Variants in DMD observed in about 807,000 individuals in gnomAD.
DMD encodes dystrophin.
Under a neutral mutation model 330.1 loss-of-function variants are expected in DMD, and 63 were observed. The ratio of observed to expected loss-of-function variants is 0.19; its 90% CI spans 0.16 to 0.24. DMD has a LOEUF of 0.24. DMD is among the 10% of genes least tolerant of loss of function. The pLI is 1.00. For synonymous variants in DMD, 1,223 were observed against 959.8 expected, an observed-to-expected ratio of 1.27 and a Z score of -5.07; for missense variants, 3,344 against 2,684.1, an observed-to-expected ratio of 1.25 and a Z score of -5.43.
intron 5 of DMD, among the ~76,000 whole-genome samples, chrX:32,818,873 ATT>A (rs2077977965): frequency 9.0e-6 from 1 of 110,575 alleles, no homozygotes; most frequent in South Asian, 3.8e-4. Flanking sequence ...TTTTAACCCC[ATT>A]TGAGACAACT....
At chrX:32,529,107 CAT>C (rs2047212234) in intron 17 of DMD, among the ~76,000 whole-genome samples, 1 of 105,347 alleles carries the variant, frequency 9.5e-6, no homozygotes, top group Admixed American at 1.0e-4. Flanking sequence ...CCCTATTTTT[CAT>C]AGAGACGGGG....
chrX:32,935,589 C>T (rs1010425488), intron 2 of DMD, among the ~76,000 whole-genome samples: 28 of 112,068 alleles, frequency 2.5e-4, no homozygotes, highest in African/African-American at 8.8e-4. Context: ...GTCCTTCCCT[C>T]CCTCTCTGGC....
intron 29 of DMD, 85 bp downstream of exon 29, chrX:32,438,156 C>G: frequency 9.9e-7 from 1 of 1,012,606 alleles, no homozygotes; most frequent in East Asian, 3.1e-5. Context: ...AATATTTAAA[C>G]TATTGCTCAT....
intron 55 of DMD, among the ~76,000 whole-genome samples, chrX:31,624,455 A>C (rs1003304373): frequency 2.7e-5 from 3 of 112,317 alleles, no homozygotes; most frequent in Non-Finnish European, 5.6e-5. Flanking sequence ...ATTATTGCTG[A>C]GAGAATAAAT....
chrX:31,489,748 A>C (rs1430340635), intron 57 of DMD, among the ~76,000 whole-genome samples: 1 of 111,931 alleles, frequency 8.9e-6, no homozygotes, highest in East Asian at 2.8e-4. Flanking sequence ...TGGGGGACAA[A>C]AGGAAGAGCA....
rs190148309 is a variant in DMD, at chrX:32,224,428, C to A, written c.6291-7365G>T. 3.9e-3 allele frequency among the ~76,000 whole-genome samples: 433 copies of A among 111,046 alleles called. 1 individual carries two copies. The highest frequency in any genetic ancestry group is 6.9e-3 in the Non-Finnish European group (363 of 52,918). On this transcript the variant is annotated intron_variant, in intron 43 of 78. Transcript: ENST00000357033. ...ATATACTTTTTTCCTAAGCAGGAGA[C>A]TCCATTTTAATTTTTTAGGTAAAAC...
intron 1 of DMD, among the ~76,000 whole-genome samples, chrX:33,220,186 T>C: frequency 9.0e-6 from 1 of 111,283 alleles, no homozygotes; most frequent in Non-Finnish European, 1.9e-5. Context: ...CAAGAGGCGT[T>C]GGTGATACAA....
intron 2 of DMD, among the ~76,000 whole-genome samples, chrX:33,015,435 T>C (rs1289842187): frequency 1.8e-5 from 2 of 111,120 alleles, no homozygotes; most frequent in Admixed American, 9.7e-5. Context: ...TACTGCATGT[T>C]CTCACTTATA....
At chrX:32,708,720 A>G (rs1024923190) in intron 7 of DMD, among the ~76,000 whole-genome samples, 1 of 111,370 alleles carries the variant, frequency 9.0e-6, no homozygotes, top group African/African-American at 3.3e-5. Flanking sequence ...TAAGGAAGAA[A>G]CGAGTGGACC....
At chrX:31,738,207 A>C (rs1175088457) in intron 51 of DMD, among the ~76,000 whole-genome samples, 1 of 111,901 alleles carries the variant, frequency 8.9e-6, no homozygotes, top group Non-Finnish European at 1.9e-5. Context: ...GTGTTGATTG[A>C]CCAAATCACT....
At chrX:31,238,519 C>T (rs1004350447) in intron 63 of DMD, among the ~76,000 whole-genome samples, 1 of 112,001 alleles carries the variant, frequency 8.9e-6, no homozygotes, top group African/African-American at 3.2e-5. Flanking sequence ...TCGCTGAGCA[C>T]TCAAGGGCAA....
At chrX:32,306,003 C>T (rs759926371) in intron 42 of DMD, among the ~76,000 whole-genome samples, 10 of 109,987 alleles carry the variant, frequency 9.1e-5, no homozygotes, top group Middle Eastern at 4.7e-3. Context: ...ATTATACCTA[C>T]GTCTACCCCT....
intron 18 of DMD, among the ~76,000 whole-genome samples, chrX:32,514,563 A>T (rs1296011618): frequency 9.0e-6 from 1 of 111,562 alleles, no homozygotes; most frequent in Non-Finnish European, 1.9e-5. Flanking sequence ...AACACGGTGA[A>T]ACCCCGTCTC....
intron 3 of DMD, among the ~76,000 whole-genome samples, chrX:32,845,891 A>G (rs977828699): frequency 1.8e-5 from 2 of 112,058 alleles, no homozygotes; most frequent in South Asian, 3.7e-4. Flanking sequence ...CTCAATAACA[A>G]CTGCTCTGAT....
chrX:32,717,137 C>T (rs2065815890), intron 7 of DMD, among the ~76,000 whole-genome samples: 1 of 111,068 alleles, frequency 9.0e-6, no homozygotes, highest in South Asian at 3.8e-4. Flanking sequence ...CGGAAATTTG[C>T]ATAAGTAAAA....
chrX:31,279,637 C>T (rs1272521327), intron 62 of DMD, among the ~76,000 whole-genome samples: 3 of 112,369 alleles, frequency 2.7e-5, no homozygotes, highest in Non-Finnish European at 3.8e-5. Context: ...AGATGACAGC[C>T]TGTCAACCAT....
At chrX:33,260,392 T>G (rs2052935295) in intron 1 of DMD, among the ~76,000 whole-genome samples, 1 of 111,637 alleles carries the variant, frequency 9.0e-6, no homozygotes, top group Admixed American at 9.6e-5. Flanking sequence ...GTTCACATTC[T>G]CCAGTCCAGT....
At chrX:31,573,160 T>A (rs2075913577) in intron 55 of DMD, among the ~76,000 whole-genome samples, 1 of 111,754 alleles carries the variant, frequency 8.9e-6, no homozygotes, top group Non-Finnish European at 1.9e-5. Context: ...AAGACTCCTC[T>A]CTCTGTAAGC....
rs2093496683 is a variant in DMD, at chrX:33,009,125, TATATATGTATATATATGTGTATATATAC to T, written c.93+10986_93+11013del. Among the ~76,000 whole-genome samples the T allele has an allele frequency of 3.0e-4, 7 of 23,000 alleles. 1 individual carries two copies. The highest frequency in any genetic ancestry group is 5.5e-4 in the Non-Finnish European group (7 of 12,615). 20.0% of individuals were successfully genotyped at this position (23,000 alleles called of 115,157 possible). A position where few individuals can be genotyped will look rare whatever the true frequency, so the allele number is the denominator to read the frequency against. ...ATGTATATATATGTGTATATATACG[TATATATGTATATATATGTGTATATATAC>T]GTATATATGTATATATATGTGTATA... On this transcript the variant is annotated intron_variant, in intron 2 of 78. Transcript: ENST00000357033.
Sources: allele counts gnomAD v4.1 joint callset (sites outside exome capture counted in the v4.1 genomes callset), GRCh38; gene constraint gnomAD v4.1.1; transcripts MANE v1.5; gene names NCBI Gene and HGNC (gene_info 2026-07-23, HGNC 2026-07-21).